Variants in SIGLEC1 observed in about 807,000 individuals in gnomAD.
SIGLEC1 encodes sialic acid binding Ig like lectin 1, also known as sialoadhesin.
In SIGLEC1, 132 loss-of-function variants were observed where a neutral mutation model predicts 148.0. The ratio of observed to expected loss-of-function variants is 0.89; its 90% CI spans 0.77 to 1.03. The LOEUF (loss-of-function observed/expected upper bound fraction) is 1.03. Among genes scored for constraint, SIGLEC1 ranks in the 50% least tolerant of loss-of-function variants. SIGLEC1 has a pLI of 0.00. For synonymous variants in SIGLEC1, 945 were observed against 969.0 expected (o/e 0.98, Z 0.46); for missense variants, 2,253 against 2,271.4 (o/e 0.99, Z 0.16).
At position 3,706,052 on chromosome 20, in the gene SIGLEC1, G is replaced by C. The variant is rs2087891202; in HGVS notation, c.410-12C>G. The C allele has an allele frequency of 5.0e-6, 8 of 1,608,840 alleles. No homozygotes were observed. Among genetic ancestry groups the C allele is most frequent in the Non-Finnish European group, 5.9e-6 (7 of 1,177,322 alleles). Reference sequence around the variant, plus strand: ...CACCCTGGGCTCCTCTGAGGACAGAGACAGCAGTGCTCAGGACCCGCTTTT... The same window carrying C: ...CACCCTGGGCTCCTCTGAGGACAGACACAGCAGTGCTCAGGACCCGCTTTT... On this transcript the variant is annotated splice_polypyrimidine_tract_variant and intron_variant, in intron 3 of 21. Transcript: ENST00000344754.
chr20:3,697,462 A>AAAAG (rs922624604), intron 9 of SIGLEC1, 120 bp from the exon 10 acceptor site: 7 of 1,275,658 alleles, frequency 5.5e-6, no homozygotes, highest in Non-Finnish European at 6.5e-6. Flanking sequence ...GGTTGGGGAG[A>AAAAG]AAAGCAAGCT....
In SIGLEC1 at chr20:3,699,428, C is replaced by T. The variant is rs2087832186; in HGVS notation, c.1560G>A (p.Glu520=). 1 of 1,610,064 alleles carries T rather than the reference C, an allele frequency of 6.2e-7. No individual in the cohort carries two copies. The highest frequency in any genetic ancestry group is 8.5e-7 in the Non-Finnish European group (1 of 1,178,844). The change falls in exon 8 of 22, where the codon GAG becomes GAA. Residue 520 remains glutamate, a synonymous_variant. Coordinates refer to ENST00000344754, the MANE Select transcript of SIGLEC1 (RefSeq NM_023068.4). ...AARLLISPAA[E]VVEGQAVTLS... is the part of the protein sequence containing the mutation. ...GTGTCACTGCCTGTCCTTCCACCAC[C>T]TCGGCTGCCGGGCTGATGAGGAGAC... is the stretch of plus-strand genomic sequence containing the variant.
rs774444806 is a variant in SIGLEC1, at chr20:3,705,912, G to T, written c.538C>A (p.Pro180Thr). 6.2e-7 allele frequency: 1 copy of T among 1,614,166 alleles called. No individual in the cohort carries two copies. Among genetic ancestry groups the T allele is most frequent in the South Asian group, 1.1e-5 (1 of 91,086 alleles). Residue 180 changes from proline (P) to threonine (T), a missense_variant, in exon 4 of 22, where the codon CCT becomes ACT. Coordinates refer to ENST00000344754, the MANE Select transcript of SIGLEC1 (RefSeq NM_023068.4). ...QVRLQWQGQD[P>T]ARSVTFNSQK... ...CTGTTGAAGGTGACAGAGCGAGCAG[G>T]GTCCTGGCCTTGCCACTGCAGTCTG...
chr20:3,691,940 C>T lies in SIGLEC1; in HGVS notation c.4293G>A (p.Leu1431=), dbSNP rs769384064. The part of the protein sequence containing the change: ...DTYVCTAQNL[L]GSISTIGRLQ... ...ACCGCCCGATGGTGCTGATTGAGCCCAGCAAGTTTTGGGCTGTGCAAACAT... is the reference window on the plus strand; with the variant it reads ...ACCGCCCGATGGTGCTGATTGAGCCTAGCAAGTTTTGGGCTGTGCAAACAT... The change falls in exon 17 of 22, where the codon CTG becomes CTA. Residue 1431 remains leucine, a synonymous_variant. Transcript: ENST00000344754. 15 of 1,596,628 alleles carry T rather than the reference C, an allele frequency of 9.4e-6. No individual in the cohort carries two copies. The Admixed American group carries it at 2.4e-4, about 25-fold the overall frequency.
rs371507046 is a variant in SIGLEC1, at chr20:3,696,141, A to ACACAC, written c.2683+444_2683+445insGTGTG. ...GAGACTATATATATACACACACACAAACACACACACACACACACACACACA... is the reference window on the plus strand; with the variant it reads ...GAGACTATATATATACACACACACAACACACACACACACACACACACACACACACA... On this transcript the variant is annotated intron_variant, in intron 11 of 21. Transcript: ENST00000344754. Among the ~76,000 whole-genome samples, 549 of 145,172 alleles carry ACACAC rather than the reference A, an allele frequency of 3.8e-3. 2 individuals carry two copies. Among genetic ancestry groups the ACACAC allele is most frequent in the African/African-American group, 6.7e-3 (266 of 39,458 alleles).
intron 1 of SIGLEC1, among the ~76,000 whole-genome samples, chr20:3,711,584 G>T (rs1734743109): frequency 6.6e-6 from 1 of 152,200 alleles, no homozygotes. Context: ...CCAGCTGGAG[G>T]TTACTGGCCC....
rs563048845 is a variant in SIGLEC1 at position 3,693,453 on chromosome 20, C to T, written c.3502G>A (p.Val1168Ile). Residue 1168 changes from valine to isoleucine, a missense_variant, in exon 14 of 22, where the codon GTC (valine) becomes ATC (isoleucine). Physicochemically the swap from Val to Ile is conservative, Grantham distance 29 (BLOSUM62 3). Coordinates refer to ENST00000344754, the MANE Select transcript of SIGLEC1 (RefSeq NM_023068.4). ...TGCATCCAGCCAGACTCACAGAGGACGTCCAAGGTGATAGGTCTGGAGAGG... is the reference window on the plus strand; with the variant it reads ...TGCATCCAGCCAGACTCACAGAGGATGTCCAAGGTGATAGGTCTGGAGAGG... ...PRLSRPITLD[V>I]LYAPRNLRLT... 26 of 1,577,396 alleles carry T rather than the reference C, an allele frequency of 1.6e-5. No homozygotes were observed. The highest frequency in any genetic ancestry group is 3.5e-5 in the South Asian group (3 of 85,292).
chr20:3,695,002 G>A (rs1394358083), intron 11 of SIGLEC1, 79 bp from the exon 12 acceptor site: 5 of 1,446,918 alleles, frequency 3.5e-6, no homozygotes, highest in Non-Finnish European at 4.7e-6. Flanking sequence ...TGTCCACCTA[G>A]GACTACACAA....
In SIGLEC1 at chr20:3,692,645, C is replaced by A. The variant is rs1395339227; in HGVS notation, c.3906G>T (p.Gln1302His). 1 of 1,613,134 alleles carries A rather than the reference C, an allele frequency of 6.2e-7. No homozygotes were observed. The highest frequency in any genetic ancestry group is 1.7e-5 in the Admixed American group (1 of 60,028). Residue 1302 changes from glutamine (Q) to histidine (H), a missense_variant, in exon 16 of 22, where the codon CAG becomes CAT. Coordinates refer to ENST00000344754, the MANE Select transcript of SIGLEC1 (RefSeq NM_023068.4). ...YTWYHNGRWLQEGPAASLSFL... is the reference protein window; with the variant it reads ...YTWYHNGRWLHEGPAASLSFL... The stretch of plus-strand genomic sequence containing the variant: ...ATGAGAGTGAGGCAGCTGGACCCTC[C>A]TGCAGCCAACGACCGTTGTGGTACC...
At chr20:3,695,413 G>A (rs1465860563) in intron 11 of SIGLEC1, among the ~76,000 whole-genome samples, 2 of 152,204 alleles carry the variant, frequency 1.3e-5, no homozygotes, top group Non-Finnish European at 2.9e-5. Flanking sequence ...GAGCGCTCTC[G>A]CCAGGCCAGC....
At position 3,689,239 on chromosome 20, in the gene SIGLEC1, G is replaced by A. The variant is rs1050165231; in HGVS notation, c.4998-12C>T. 20 of 1,612,582 alleles carry A rather than the reference G, an allele frequency of 1.2e-5. No homozygotes were observed. The highest frequency in any genetic ancestry group is 4.5e-5 in the East Asian group (2 of 44,880). On this transcript the variant is annotated splice_polypyrimidine_tract_variant and intron_variant, in intron 20 of 21. Coordinates refer to ENST00000344754, the MANE Select transcript of SIGLEC1 (RefSeq NM_023068.4). Reference sequence around the variant, plus strand: ...AAACACGCCTCCTTCTGCAAGGCCCGGAGTGGACTCAGAGAGCCTCTCCCC... The same window carrying A: ...AAACACGCCTCCTTCTGCAAGGCCCAGAGTGGACTCAGAGAGCCTCTCCCC...
chr20:3,692,493 C>G, intron 16 of SIGLEC1, 28 bp downstream of exon 16: 1 of 1,559,296 alleles, frequency 6.4e-7, no homozygotes, highest in East Asian at 2.3e-5. Context: ...TCCTCCTGGG[C>G]AGCCCTGGCC....
At chr20:3,689,531 A>G (rs2088733814) in intron 20 of SIGLEC1, 69 bp downstream of exon 20, 1 of 1,098,374 alleles carries the variant, frequency 9.1e-7, no homozygotes. Flanking sequence ...GACCTGGGGG[A>G]ATTTGGGGAG....
At chr20:3,695,413 G>C (rs1465860563) in intron 11 of SIGLEC1, among the ~76,000 whole-genome samples, 3 of 152,204 alleles carry the variant, frequency 2.0e-5, no homozygotes, top group Non-Finnish European at 4.4e-5. Context: ...GAGCGCTCTC[G>C]CCAGGCCAGC....
At chr20:3,700,178 C>T (rs1190637202) in intron 7 of SIGLEC1, among the ~76,000 whole-genome samples, 12 of 118,222 alleles carry the variant, frequency 1.0e-4, no homozygotes, top group South Asian at 6.2e-4. Context: ...AGTGCAGTGG[C>T]GCAATCTCAG....
Position 3,692,084 on chromosome 20 carries a change from GC to G in SIGLEC1, c.4148del (p.Gly1383AlafsTer60). The stretch of plus-strand genomic sequence containing the variant: ...CCCCGCTGCTCGTGGCCAGCACCTT[GC>G]CATCATGAGATAGGGCCAGCTCAGC... ...PPAELALSHD[G>X]KVLATSSGVH... On this transcript the variant is annotated frameshift_variant, in exon 17 of 22. Transcript: ENST00000344754. LOFTEE classifies it high-confidence loss of function. The G allele has an allele frequency of 6.2e-7, 1 of 1,610,142 alleles. No individual in the cohort carries two copies. Among genetic ancestry groups the G allele is most frequent in the East Asian group, 2.2e-5 (1 of 44,834 alleles).
chr20:3,703,210 G>C lies in SIGLEC1; in HGVS notation c.1215C>G (p.Ser405Arg), dbSNP rs41309347. ...VHGSERSGPV[S>R]VVVNHPPLTP... ...CTGGCCTCTTACGGTTGACTACCAC[G>C]CTGACAGGGCCCGAGCGCTCGCTGC... Residue 405 changes from serine (S) to arginine (R), a missense_variant, in exon 6 of 22, where the codon AGC becomes AGG. Physicochemically the swap from Ser to Arg is moderately radical, Grantham distance 110. Transcript: ENST00000344754. 25 of 1,613,928 alleles carry C rather than the reference G, an allele frequency of 1.5e-5. No homozygotes were observed. Among genetic ancestry groups the C allele is most frequent in the Non-Finnish European group, 2.0e-5 (24 of 1,179,986 alleles).
chr20:3,703,978 T>C lies in SIGLEC1; in HGVS notation c.820A>G (p.Ile274Val), dbSNP rs2087873535. The C allele has an allele frequency of 6.2e-7, 1 of 1,612,290 alleles. No individual in the cohort carries two copies. The highest frequency in any genetic ancestry group is 1.3e-5 in the African/African-American group (1 of 74,854). Residue 274 changes from isoleucine (I) to valine (V), a missense_variant, in exon 5 of 22, where the codon ATT (isoleucine) becomes GTT (valine). By Grantham distance (29) the Ile-to-Val change is conservative (BLOSUM62 3). Coordinates refer to ENST00000344754, the MANE Select transcript of SIGLEC1 (RefSeq NM_023068.4). ...CGTACCCCATCCTTGAGCCACTTAA[T>C]GGAACTGACTGCAGGGTAGCTGCTG... ...VNSSYPAVSS[I>V]KWLKDGVRLQ...
At position 3,703,298 on chromosome 20, in the gene SIGLEC1, C is replaced by A; in HGVS notation, c.1127G>T (p.Arg376Leu). Residue 376 changes from arginine (R) to leucine (L), a missense_variant, in exon 6 of 22, where the codon CGG (arginine) becomes CTG (leucine). Physicochemically the swap from Arg to Leu is moderately radical, Grantham distance 102. Coordinates refer to ENST00000344754, the MANE Select transcript of SIGLEC1 (RefSeq NM_023068.4). ...ATCAGCCCTAGTGGCCAAGTGCAGC[C>A]GGAGGGTATGGGAGTGGGCATCCTC... Reference protein sequence around the residue: ...LLEDAHSHTLRLHLATRADTG... With the variant: ...LLEDAHSHTLLLHLATRADTG... The A allele has an allele frequency of 3.7e-6, 6 of 1,614,152 alleles. No homozygotes were observed. The highest frequency in any genetic ancestry group is 5.1e-6 in the Non-Finnish European group (6 of 1,180,014).
Sources: allele counts gnomAD v4.1 joint callset (sites outside exome capture counted in the v4.1 genomes callset), GRCh38; gene constraint gnomAD v4.1.1; transcripts MANE v1.5; gene names NCBI Gene and HGNC (gene_info 2026-07-23, HGNC 2026-07-21).